Variants in SETBP1 observed in about 807,000 individuals in gnomAD.
SETBP1 encodes the protein SET-binding protein.
A neutral mutation model predicts 101.0 loss-of-function variants in SETBP1; 9 were observed. The observed-to-expected ratio is 0.09, with a 90% CI of 0.05 to 0.16. The LOEUF (loss-of-function observed/expected upper bound fraction) is 0.16. SETBP1 is among the 10% of genes least tolerant of loss of function. The probability of loss-of-function intolerance (pLI) is 1.00; values close to 1 mark genes in which losing one functional copy is unlikely to be tolerated. For synonymous variants in SETBP1, 818 were observed against 788.5 expected, an observed-to-expected ratio of 1.04 and a Z score of -0.63; for missense variants, 1,858 against 2,033.8, an observed-to-expected ratio of 0.91 and a Z score of 1.66.
At chr18:44,782,776 G>T (rs141499109) in intron 2 of SETBP1, among the ~76,000 whole-genome samples, 2 of 152,132 alleles carry the variant, frequency 1.3e-5, no homozygotes, top group Admixed American at 6.5e-5. Context: ...TTGTATTCGC[G>T]GTGGGCATAC....
chr18:44,943,793 G>A (rs920508431), intron 3 of SETBP1, among the ~76,000 whole-genome samples: 1 of 152,028 alleles, frequency 6.6e-6, no homozygotes, highest in Non-Finnish European at 1.5e-5. Context: ...CACAGTGGGA[G>A]GTCATGAACA....
At chr18:44,797,779 T>G (rs572931259) in intron 2 of SETBP1, among the ~76,000 whole-genome samples, 8 of 152,324 alleles carry the variant, frequency 5.3e-5, no homozygotes, top group African/African-American at 1.7e-4. Context: ...TAGAGATTTT[T>G]TTTTTCTTTT....
chr18:44,837,133 C>A (rs1282649011), intron 2 of SETBP1, among the ~76,000 whole-genome samples: 2 of 152,182 alleles, frequency 1.3e-5, no homozygotes, highest in Non-Finnish European at 2.9e-5. Context: ...CACCACACCA[C>A]GTAAGAGCCA....
chr18:44,840,352 G>A lies in SETBP1; in HGVS notation c.487-28878G>A, dbSNP rs577769724. On this transcript the variant is annotated intron_variant, in intron 2 of 5. Transcript: ENST00000649279. ...TGCTAGATCCCAGCAGTGACATGGC[G>A]CTACCTCTGCAAGGGGCTCATGCTT... 4.6e-5 allele frequency among the ~76,000 whole-genome samples: 7 copies of A among 152,282 alleles called. No homozygotes were observed. In the South Asian group the frequency reaches 8.3e-4, roughly 18 times the overall value.
At chr18:44,830,460 C>A (rs1487101635) in intron 2 of SETBP1, among the ~76,000 whole-genome samples, 1 of 152,162 alleles carries the variant, frequency 6.6e-6, no homozygotes, top group East Asian at 1.9e-4. Flanking sequence ...ATTATAAAAT[C>A]TTGGCAGCAT....
At chr18:44,867,175 AT>A (rs2069147466) in intron 2 of SETBP1, among the ~76,000 whole-genome samples, 1 of 152,252 alleles carries the variant, frequency 6.6e-6, no homozygotes, top group East Asian at 1.9e-4. Flanking sequence ...AGTTGTGAAT[AT>A]TAAAAATGAA....
chr18:44,731,372 C>G (rs2069834332), intron 2 of SETBP1, among the ~76,000 whole-genome samples: 1 of 152,164 alleles, frequency 6.6e-6, no homozygotes, highest in Admixed American at 6.5e-5. Flanking sequence ...ACTCGCTAAA[C>G]TGACAGAAAA....
At chr18:44,682,083 TTTC>T (rs1277097337) in intron 1 of SETBP1, among the ~76,000 whole-genome samples, 1 of 152,214 alleles carries the variant, frequency 6.6e-6, no homozygotes, top group Non-Finnish European at 1.5e-5. Flanking sequence ...TCATCCTGTT[TTTC>T]TTCTTTTTCT....
chr18:44,963,718 G>A (rs1033802539), intron 4 of SETBP1, among the ~76,000 whole-genome samples: 33 of 150,910 alleles, frequency 2.2e-4, no homozygotes, highest in African/African-American at 6.6e-4. Context: ...GGGAGACCCC[G>A]TCTCTATAAA....
At chr18:45,041,154 A>C (rs2073500398) in intron 5 of SETBP1, among the ~76,000 whole-genome samples, 1 of 152,220 alleles carries the variant, frequency 6.6e-6, no homozygotes, top group South Asian at 2.1e-4. Flanking sequence ...TTTCCAGTGG[A>C]TTCCCACTTC....
At chr18:44,802,953 C>G (rs892673770) in intron 2 of SETBP1, among the ~76,000 whole-genome samples, 2 of 152,046 alleles carry the variant, frequency 1.3e-5, no homozygotes, top group Admixed American at 1.3e-4. Context: ...TCAGAGGAAA[C>G]CTGTAGGTAT....
At chr18:44,766,224 A>G (rs539164067) in intron 2 of SETBP1, among the ~76,000 whole-genome samples, 15 of 152,346 alleles carry the variant, frequency 9.8e-5, no homozygotes, top group African/African-American at 3.4e-4. Context: ...ATAGAGCATG[A>G]TACATGGTCC....
rs141773001 is a variant in SETBP1 at position 45,004,330 on chromosome 18, A to G, written c.4001-34155A>G. Among the ~76,000 whole-genome samples, 6 of 152,292 alleles carry G rather than the reference A, an allele frequency of 3.9e-5. No homozygotes were observed. The East Asian group carries it at 1.2e-3, about 29-fold the overall frequency. On this transcript the variant is annotated intron_variant, in intron 4 of 5. Transcript: ENST00000649279. ...TTGGCATCCCAAATTCATCTTTTTTACACCGATGGTTGGCGTGATGATTGG... is the reference window on the plus strand; with the variant it reads ...TTGGCATCCCAAATTCATCTTTTTTGCACCGATGGTTGGCGTGATGATTGG...
intron 4 of SETBP1, among the ~76,000 whole-genome samples, chr18:44,989,953 AAGAT>A: frequency 6.6e-6 from 1 of 151,240 alleles, no homozygotes; most frequent in Non-Finnish European, 1.5e-5. Context: ...CCAGGAGGAA[AAGAT>A]AGATAACCAT....
rs983043287 is a variant in SETBP1 at position 44,848,505 on chromosome 18, C to G, written c.487-20725C>G. Among the ~76,000 whole-genome samples the G allele has an allele frequency of 3.9e-5, 6 of 152,130 alleles. No homozygotes were observed. The East Asian group carries it at 7.7e-4, about 20-fold the overall frequency. On this transcript the variant is annotated intron_variant, in intron 2 of 5. Transcript: ENST00000649279. ...TGAGAAGAGACATGTATACACATAT[C>G]GTGGGCTAGAAGTCACAAAACTAGA... is the stretch of plus-strand genomic sequence containing the variant.
At chr18:44,845,768 G>T (rs1301435359) in intron 2 of SETBP1, among the ~76,000 whole-genome samples, 2 of 152,212 alleles carry the variant, frequency 1.3e-5, no homozygotes, top group Admixed American at 1.3e-4. Flanking sequence ...TCTCCAGGGA[G>T]ACCACTTCTA....
At chr18:44,750,327 A>G (rs138368682) in intron 2 of SETBP1, among the ~76,000 whole-genome samples, 110 of 152,288 alleles carry the variant, frequency 7.2e-4, no homozygotes, top group Middle Eastern at 3.4e-3. Flanking sequence ...CTATAGCCTC[A>G]CAGGGCAGAG....
intron 2 of SETBP1, among the ~76,000 whole-genome samples, chr18:44,774,357 G>A (rs2070945306): frequency 6.6e-6 from 1 of 151,770 alleles, no homozygotes; most frequent in Non-Finnish European, 1.5e-5. Flanking sequence ...ATATGTGTTT[G>A]AGTGTGTATG....
At chr18:44,957,799 G>A (rs2071523152) in intron 4 of SETBP1, among the ~76,000 whole-genome samples, 2 of 152,194 alleles carry the variant, frequency 1.3e-5, no homozygotes, top group South Asian at 4.1e-4. Flanking sequence ...AATGTTTCAG[G>A]ATCATTTCCT....
Sources: allele counts gnomAD v4.1 joint callset (sites outside exome capture counted in the v4.1 genomes callset), GRCh38; gene constraint gnomAD v4.1.1; transcripts MANE v1.5; gene names NCBI Gene and HGNC (gene_info 2026-07-23, HGNC 2026-07-21).